Variants in COX7B2 observed in about 807,000 individuals in gnomAD.
The protein encoded by COX7B2 is cytochrome c oxidase subunit 7B2, mitochondrial.
For missense variants in COX7B2, 109 were observed against 95.9 expected (o/e 1.14, Z -0.57); for synonymous variants, 37 against 32.1 (o/e 1.15, Z -0.51).
At chr4:46,747,791 C>T (rs1467074311) in intron 2 of COX7B2, among the ~76,000 whole-genome samples, 1 of 152,126 alleles carries the variant, frequency 6.6e-6, no homozygotes, top group Non-Finnish European at 1.5e-5. Context: ...TGGAATAAAG[C>T]TCCTTCTGGC....
chr4:46,745,993 A>G (rs1043152556), intron 2 of COX7B2, among the ~76,000 whole-genome samples: 1 of 152,214 alleles, frequency 6.6e-6, no homozygotes, highest in Non-Finnish European at 1.5e-5. Flanking sequence ...TTAGAAAAGT[A>G]AAATTTCTAT....
chr4:46,783,542 T>C (rs898471627), intron 2 of COX7B2, among the ~76,000 whole-genome samples: 5 of 152,188 alleles, frequency 3.3e-5, no homozygotes, highest in African/African-American at 1.2e-4. Context: ...GCTCACTGAA[T>C]AAACCCTGGC....
At chr4:46,826,711 G>A (rs889270307) in intron 2 of COX7B2, among the ~76,000 whole-genome samples, 1 of 152,068 alleles carries the variant, frequency 6.6e-6, no homozygotes, top group Non-Finnish European at 1.5e-5. Context: ...TTTTTTGTGG[G>A]AACATGGATC....
At chr4:46,816,637 T>C (rs1001363568) in intron 2 of COX7B2, among the ~76,000 whole-genome samples, 2 of 152,230 alleles carry the variant, frequency 1.3e-5, no homozygotes, top group Non-Finnish European at 2.9e-5. Context: ...GAAAATATTA[T>C]TTAATGTCAT....
intron 2 of COX7B2, among the ~76,000 whole-genome samples, chr4:46,766,137 A>T (rs1716521032): frequency 6.6e-6 from 1 of 152,236 alleles, no homozygotes; most frequent in Admixed American, 6.5e-5. Flanking sequence ...GAAATGCTAA[A>T]GGAAGTGCTT....
chr4:46,794,112 T>A (rs1718196507), intron 2 of COX7B2, among the ~76,000 whole-genome samples: 1 of 152,204 alleles, frequency 6.6e-6, no homozygotes, highest in African/African-American at 2.4e-5. Flanking sequence ...GTACAAAGTA[T>A]AACACATAAA....
At chr4:46,764,804 T>C (rs1400252690) in intron 2 of COX7B2, among the ~76,000 whole-genome samples, 8 of 151,776 alleles carry the variant, frequency 5.3e-5, no homozygotes, top group Non-Finnish European at 1.0e-4. Flanking sequence ...AGTAAATCTC[T>C]GTAATAGATA....
chr4:46,816,646 A>AT (rs975232170), intron 2 of COX7B2, among the ~76,000 whole-genome samples: 7 of 151,982 alleles, frequency 4.6e-5, no homozygotes, highest in African/African-American at 9.6e-5. Context: ...ATTTAATGTC[A>AT]TTTTTTTTGC....
intron 1 of COX7B2, among the ~76,000 whole-genome samples, chr4:46,887,435 G>A (rs1488196168): frequency 6.6e-6 from 1 of 152,076 alleles, no homozygotes; most frequent in Non-Finnish European, 1.5e-5. Context: ...ATCCTGGCCG[G>A]GCACAGTGGC....
At chr4:46,881,520 T>C (rs1718740090) in intron 1 of COX7B2, among the ~76,000 whole-genome samples, 1 of 151,994 alleles carries the variant, frequency 6.6e-6, no homozygotes, top group South Asian at 2.1e-4. Context: ...CCCAGCACTG[T>C]GGGAGGCCGA....
At chr4:46,741,142 T>C (rs926692913) in intron 2 of COX7B2, among the ~76,000 whole-genome samples, 2 of 152,096 alleles carry the variant, frequency 1.3e-5, no homozygotes, top group African/African-American at 4.8e-5. Context: ...AGCTTCGATA[T>C]AGGCTTTTTA....
chr4:46,897,396 C>A (rs1409796572), intron 1 of COX7B2, among the ~76,000 whole-genome samples: 1 of 152,202 alleles, frequency 6.6e-6, no homozygotes, highest in Non-Finnish European at 1.5e-5. Context: ...TTCTCTCTGT[C>A]TCAGGAGAAT....
At chr4:46,857,329 T>C (rs1717063882) in intron 1 of COX7B2, among the ~76,000 whole-genome samples, 1 of 152,252 alleles carries the variant, frequency 6.6e-6, no homozygotes, top group Admixed American at 6.5e-5. Context: ...GACTGTGAGA[T>C]GGAAAACATT....
intron 2 of COX7B2, among the ~76,000 whole-genome samples, chr4:46,758,144 A>C (rs905075008): frequency 6.6e-6 from 1 of 152,126 alleles, no homozygotes; most frequent in African/African-American, 2.4e-5. Context: ...TGGTAATTTC[A>C]TAACTAGTAT....
At chr4:46,869,304 GA>G (rs1431765396) in intron 1 of COX7B2, among the ~76,000 whole-genome samples, 1 of 152,098 alleles carries the variant, frequency 6.6e-6, no homozygotes, top group African/African-American at 2.4e-5. Context: ...GCATACCACT[GA>G]GTCTTTCTTT....
At chr4:46,823,625 A>C in intron 2 of COX7B2, among the ~76,000 whole-genome samples, 1 of 151,764 alleles carries the variant, frequency 6.6e-6, no homozygotes, top group East Asian at 1.9e-4. Flanking sequence ...TTAGAAAGAA[A>C]TTTATATCAT....
intron 1 of COX7B2, among the ~76,000 whole-genome samples, chr4:46,860,137 G>C (rs1717248067): frequency 6.6e-6 from 1 of 152,126 alleles, no homozygotes; most frequent in Admixed American, 6.5e-5. Flanking sequence ...TGGTGAGATG[G>C]CAAATAGAAG....
intron 2 of COX7B2, among the ~76,000 whole-genome samples, chr4:46,770,688 T>C (rs1341216178): frequency 6.6e-6 from 1 of 151,962 alleles, no homozygotes; most frequent in Non-Finnish European, 1.5e-5. Context: ...TTATGGTCAA[T>C]TGATCTCCAA....
At position 46,870,976 on chromosome 4, in the gene COX7B2, GA is replaced by G. The variant is rs944770954; in HGVS notation, c.-104-25963del. The stretch of plus-strand genomic sequence containing the variant: ...ATCAATGACATTCTTCACAGAACTA[GA>G]AAAAAAAAAACTATTTTAAAATTCC... On this transcript the variant is annotated intron_variant, in intron 1 of 2. Coordinates refer to ENST00000355591, the MANE Select transcript of COX7B2 (RefSeq NM_130902.3). Among the ~76,000 whole-genome samples the G allele has an allele frequency of 7.7e-4, 108 of 140,000 alleles. No individual in the cohort carries two copies. The Middle Eastern group carries it at 0.011, about 14-fold the overall frequency. 91.8% of individuals were successfully genotyped at this position (140,000 alleles called of 152,430 possible).
Sources: allele counts gnomAD v4.1 joint callset (sites outside exome capture counted in the v4.1 genomes callset), GRCh38; gene constraint gnomAD v4.1.1; transcripts MANE v1.5; gene names NCBI Gene and HGNC (gene_info 2026-07-23, HGNC 2026-07-21).